The following FBXO42 variants were observed in gnomAD, a reference collection of about 807,000 sequenced individuals.
FBXO42 encodes the protein F-box protein 42, also known as F-box only protein 42.
In FBXO42, 12 loss-of-function variants were observed where a neutral mutation model predicts 71.7. The ratio of observed to expected loss-of-function variants is 0.17; its 90% confidence interval spans 0.11 to 0.27. The LOEUF (loss-of-function observed/expected upper bound fraction) is 0.27. Ranked by LOEUF, FBXO42 falls within the 10% of genes least tolerant of loss-of-function variation. FBXO42 has a pLI of 1.00. For synonymous variants in FBXO42, 325 were observed against 327.5 expected, an observed-to-expected ratio of 0.99 and a Z score of 0.08; for missense variants, 707 against 911.9, an observed-to-expected ratio of 0.78 and a Z score of 2.89.
At chr1:16,299,870 C>G (rs2082173409) in intron 3 of FBXO42, among the ~76,000 whole-genome samples, 3 of 152,132 alleles carry the variant, frequency 2.0e-5, no homozygotes, top group Non-Finnish European at 2.9e-5. Flanking sequence ...GTCTCAATCT[C>G]TTGATCTCGT....
chr1:16,340,405 G>A (rs1330558752), intron 1 of FBXO42, among the ~76,000 whole-genome samples: 1 of 151,560 alleles, frequency 6.6e-6, no homozygotes, highest in South Asian at 2.1e-4. Flanking sequence ...TGCAGCCTCC[G>A]CCTCTCCCAG....
At chr1:16,328,956 G>A (rs531415669) in intron 1 of FBXO42, among the ~76,000 whole-genome samples, 23 of 151,798 alleles carry the variant, frequency 1.5e-4, no homozygotes, top group African/African-American at 5.6e-4. Context: ...CAAGGTCAGG[G>A]GTTCGAGACA....
chr1:16,293,814 A>G (rs1469382941), intron 4 of FBXO42: 3 of 152,238 alleles, frequency 2.0e-5, no homozygotes, highest in Non-Finnish European at 4.4e-5. Flanking sequence ...ATAGTCATTT[A>G]GTACTACTCC....
chr1:16,292,121 T>G (rs1483503970), intron 4 of FBXO42, among the ~76,000 whole-genome samples: 1 of 152,256 alleles, frequency 6.6e-6, no homozygotes, highest in Non-Finnish European at 1.5e-5. Flanking sequence ...ACTTTAAACA[T>G]TCAGGAGTTT....
intron 3 of FBXO42, among the ~76,000 whole-genome samples, chr1:16,301,681 AAAC>A (rs2082196591): frequency 7.2e-6 from 1 of 139,290 alleles, no homozygotes; most frequent in Admixed American, 7.1e-5. Context: ...AAAAAAAAAA[AAAC>A]AACAAAAAAA....
At chr1:16,264,577 G>A (rs6698317) in intron 4 of FBXO42, among the ~76,000 whole-genome samples, 28,957 of 152,100 alleles carry the variant, frequency 0.19, 3,176 homozygotes, top group Non-Finnish European at 0.24. Context: ...CACATCAAGC[G>A]TAGATGAACA....
Position 16,282,248 on chromosome 1 carries a change from C to T in FBXO42, c.502+12535G>A, listed in dbSNP as rs1437758675. Among the ~76,000 whole-genome samples, 4 of 144,780 alleles carry T rather than the reference C, an allele frequency of 2.8e-5. No individual in the cohort carries two copies. The Admixed American group carries it at 2.8e-4, about 10-fold the overall frequency. 95.0% of individuals were successfully genotyped at this position (144,780 alleles called of 152,430 possible). ...TTTTTTTTTTTTCTTTTTTTTGAGA[C>T]AGAGTCTCACTCTGTCCCCCAGGCT... On this transcript the variant is annotated intron_variant, in intron 4 of 9. Coordinates refer to ENST00000375592, the MANE Select transcript of FBXO42 (RefSeq NM_018994.3).
At chr1:16,326,893 G>C (rs1472575007) in intron 1 of FBXO42, among the ~76,000 whole-genome samples, 1 of 152,046 alleles carries the variant, frequency 6.6e-6, no homozygotes, top group Non-Finnish European at 1.5e-5. Context: ...AAACAAGATA[G>C]GTCTGCTCTG....
intron 4 of FBXO42, among the ~76,000 whole-genome samples, chr1:16,279,253 T>C (rs569802009): frequency 6.6e-6 from 1 of 152,348 alleles, no homozygotes; most frequent in African/African-American, 2.4e-5. Flanking sequence ...ATATTGTTCT[T>C]TTAGAGAATA....
At chr1:16,295,811 T>C (rs1431359122) in intron 3 of FBXO42, among the ~76,000 whole-genome samples, 2 of 152,096 alleles carry the variant, frequency 1.3e-5, no homozygotes, top group Non-Finnish European at 2.9e-5. Context: ...CAAAGGCCAG[T>C]GGGGGAAACT....
intron 2 of FBXO42, among the ~76,000 whole-genome samples, chr1:16,314,911 A>G (rs1311127499): frequency 6.6e-6 from 1 of 151,974 alleles, no homozygotes; most frequent in East Asian, 1.9e-4. Context: ...AGAACAATAC[A>G]ATTAACCAGA....
At chr1:16,346,976 C>T (rs12047260) in intron 1 of FBXO42, among the ~76,000 whole-genome samples, 1 of 151,438 alleles carries the variant, frequency 6.6e-6, no homozygotes, top group Non-Finnish European at 1.5e-5. Context: ...AACTCCTGAC[C>T]TCAAGTGATC....
chr1:16,270,795 T>G (rs1333672269), intron 4 of FBXO42, among the ~76,000 whole-genome samples: 1 of 114,950 alleles, frequency 8.7e-6, no homozygotes, highest in Non-Finnish European at 1.8e-5. Flanking sequence ...CACACACATA[T>G]AAAATTCCAT....
intron 1 of FBXO42, among the ~76,000 whole-genome samples, chr1:16,327,087 A>G (rs974299683): frequency 5.9e-5 from 9 of 152,174 alleles, no homozygotes; most frequent in African/African-American, 9.7e-5. Context: ...GCAGAGACTA[A>G]GCCATATTAT....
intron 1 of FBXO42, among the ~76,000 whole-genome samples, chr1:16,317,107 T>C (rs1041259634): frequency 6.6e-6 from 1 of 151,686 alleles, no homozygotes; most frequent in Non-Finnish European, 1.5e-5. Flanking sequence ...ATGGTGAAAC[T>C]CCGTCTCTAC....
At chr1:16,349,769 G>A (rs1463715717) in intron 1 of FBXO42, among the ~76,000 whole-genome samples, 1 of 152,200 alleles carries the variant, frequency 6.6e-6, no homozygotes, top group Non-Finnish European at 1.5e-5. Flanking sequence ...AGCTGAGGCA[G>A]GAGAATCGCC....
At chr1:16,304,919 A>G (rs1246610426) in intron 3 of FBXO42, among the ~76,000 whole-genome samples, 3 of 151,976 alleles carry the variant, frequency 2.0e-5, no homozygotes, top group Admixed American at 1.3e-4. Context: ...CGGTGAGCCA[A>G]GATTGCACCA....
At chr1:16,298,724 G>A (rs1227333945) in intron 3 of FBXO42, among the ~76,000 whole-genome samples, 1 of 152,124 alleles carries the variant, frequency 6.6e-6, no homozygotes, top group Non-Finnish European at 1.5e-5. Context: ...TGGCCAGGCT[G>A]GTCTCGAATT....
intron 1 of FBXO42, among the ~76,000 whole-genome samples, chr1:16,342,867 T>C (rs1443562886): frequency 6.6e-6 from 1 of 152,028 alleles, no homozygotes; most frequent in South Asian, 2.1e-4. Flanking sequence ...ACTAGATTAG[T>C]TCCTGGGAGA....
Sources: allele counts gnomAD v4.1 joint callset (sites outside exome capture counted in the v4.1 genomes callset), GRCh38; gene constraint gnomAD v4.1.1; transcripts MANE v1.5; gene names NCBI Gene and HGNC (gene_info 2026-07-23, HGNC 2026-07-21).